Variants in DST observed in about 807,000 individuals in gnomAD.
The protein encoded by DST is bullous pemphigoid antigen.
A neutral mutation model predicts 875.2 loss-of-function variants in DST; 253 were observed. That is an observed-to-expected ratio of 0.29 (90% CI 0.26 to 0.32). The LOEUF (loss-of-function observed/expected upper bound fraction) is 0.32. DST is among the 10% of genes least tolerant of loss of function. The pLI, the probability that DST is intolerant of heterozygous loss-of-function variation, is 1.00. For missense variants in DST, 8,287 were observed against 9,111.6 expected (o/e 0.91, Z 3.68); for synonymous variants, 3,124 against 3,197.1 (o/e 0.98, Z 0.77).
At position 56,670,519 on chromosome 6, in the gene DST, C is replaced by T. The variant is rs1588211856; in HGVS notation, c.1214+122G>A. On this transcript the variant is annotated intron_variant, in intron 10 of 103. Coordinates refer to ENST00000680361, the MANE Select transcript of DST (RefSeq NM_001374736.1). Reference sequence around the variant, plus strand: ...TGGCCAATTTTTTATTTTAATTTTTCTGTATTTTCTAATTTTTTGCCATGC... The same window carrying T: ...TGGCCAATTTTTTATTTTAATTTTTTTGTATTTTCTAATTTTTTGCCATGC... 6 of 808,114 alleles carry T rather than the reference C, an allele frequency of 7.4e-6. No homozygotes were observed. In the East Asian group the frequency reaches 1.9e-4, roughly 25 times the overall value. The allele number at this position is 808,114 out of a possible 1,614,324, so 50.1% of individuals were successfully genotyped here. A position where few individuals can be genotyped will look rare whatever the true frequency, so the allele number is the denominator to read the frequency against.
At chr6:56,474,025 A>C in intron 92 of DST, 23 bp from the exon 93 acceptor site, 1 of 1,559,756 alleles carries the variant, frequency 6.4e-7, no homozygotes, top group South Asian at 1.2e-5. Flanking sequence ...AAATGATGTC[A>C]ATCAAATAAG....
In DST at chr6:56,642,373, TC is replaced by T. The variant is rs140666858; in HGVS notation, c.1872+36del. 1.9e-3 allele frequency: 2,707 copies of T among 1,453,930 alleles called. 39 individuals are homozygous for T. In the African/African-American group the frequency reaches 0.033, roughly 18 times the overall value. 90.1% of individuals were successfully genotyped at this position (1,453,930 alleles called of 1,614,324 possible). A position where few individuals can be genotyped will look rare whatever the true frequency, so the allele number is the denominator to read the frequency against. On this transcript the variant is annotated intron_variant, in intron 16 of 103. Coordinates refer to ENST00000680361, the MANE Select transcript of DST (RefSeq NM_001374736.1). ...GTTCATCCAAACGCACAGTGACTCC[TC>T]TACCACAACCCCAATGGCTCCTAAA...
intron 3 of DST, among the ~76,000 whole-genome samples, chr6:56,857,943 T>A (rs1768829106): frequency 6.6e-6 from 1 of 152,204 alleles, no homozygotes; most frequent in Non-Finnish European, 1.5e-5. Flanking sequence ...AAAAATGAGA[T>A]ATGGTAAATT....
Position 56,608,530 on chromosome 6 carries a change from C to A in DST, c.6098G>T (p.Gly2033Val). 4 of 1,613,460 alleles carry A rather than the reference C, an allele frequency of 2.5e-6. No individual in the cohort carries two copies. Among genetic ancestry groups the A allele is most frequent in the Non-Finnish European group, 3.4e-6 (4 of 1,179,730 alleles). Residue 2033 changes from glycine (G) to valine (V), a missense_variant, in exon 40 of 104, where the codon GGA (glycine) becomes GTA (valine). Transcript: ENST00000680361. ...SILTYQVQTG[G>V]IIQSNPAKRL... ...CTTGGCAGGGTTTGACTGGATGATT[C>A]CACCAGTTTGAACCTGATATGTGAG...
chr6:56,778,480 C>A (rs2099684384), intron 4 of DST, among the ~76,000 whole-genome samples: 1 of 150,560 alleles, frequency 6.6e-6, no homozygotes, highest in Non-Finnish European at 1.5e-5. Context: ...TATGCTGCAC[C>A]CAGTAACTCA....
rs761160716 is a variant in DST at position 56,928,134 on chromosome 6, G to A, written c.216+25651C>T. ...TAGCTGCTGCTGGTACCTACAAGGCGGAGTGATGAGGCTGGCTCTGGCAAT... is the reference window on the plus strand; with the variant it reads ...TAGCTGCTGCTGGTACCTACAAGGCAGAGTGATGAGGCTGGCTCTGGCAAT... On this transcript the variant is annotated intron_variant, in intron 2 of 103. Transcript: ENST00000680361. Among the ~76,000 whole-genome samples, 75 of 152,172 alleles carry A rather than the reference G, an allele frequency of 4.9e-4. 1 individual carries two copies. Among genetic ancestry groups the A allele is most frequent in the Admixed American group, 4.5e-3 (69 of 15,274 alleles).
At chr6:56,717,673 C>T (rs2099400078) in intron 5 of DST, among the ~76,000 whole-genome samples, 1 of 152,068 alleles carries the variant, frequency 6.6e-6, no homozygotes, top group Non-Finnish European at 1.5e-5. Flanking sequence ...CTGCTGGCTC[C>T]ACCTGAACCC....
At chr6:56,465,936 T>C (rs1582113332) in intron 99 of DST, 142 bp downstream of exon 99, 8 of 508,410 alleles carry the variant, frequency 1.6e-5, no homozygotes, top group Non-Finnish European at 2.7e-5. Context: ...ACAGGTTCTT[T>C]GGGAACTTTA....
chr6:56,943,807 A>G (rs945839494), intron 2 of DST, among the ~76,000 whole-genome samples: 1 of 152,096 alleles, frequency 6.6e-6, no homozygotes, highest in South Asian at 2.1e-4. Context: ...TAAGTAAGGT[A>G]TAACTATATG....
intron 3 of DST, among the ~76,000 whole-genome samples, chr6:56,897,125 T>C (rs1328646102): frequency 1.3e-5 from 2 of 152,142 alleles, no homozygotes; most frequent in Non-Finnish European, 2.9e-5. Context: ...TAATCTATCT[T>C]GAGTTGATTT....
chr6:56,492,397 T>G lies in DST; in HGVS notation c.20587A>C (p.Ile6863Leu). The G allele has an allele frequency of 6.2e-7, 1 of 1,613,754 alleles. No homozygotes were observed. Among genetic ancestry groups the G allele is most frequent in the South Asian group, 1.1e-5 (1 of 91,024 alleles). The change falls in exon 85 of 104, where the codon ATA (isoleucine) becomes CTA (leucine). Residue 6863 changes from isoleucine to leucine, a missense_variant. By Grantham distance (5) the Ile-to-Leu change is conservative. Around this residue, in one of 10 missense-constraint regions of DST, gnomAD observed 1,292 missense variants for 1,552.7 expected, o/e 0.83. Coordinates refer to ENST00000680361, the MANE Select transcript of DST (RefSeq NM_001374736.1). ...GTTCCAGTTTTGTCCAGCTCTATTA[T>G]CTGCTCACGATGAGAATTTACTTCA... Reference protein sequence around the residue: ...ANEVNSHREQIIELDKTGTHL... With the variant: ...ANEVNSHREQLIELDKTGTHL...
intron 69 of DST, among the ~76,000 whole-genome samples, chr6:56,519,416 G>C (rs1441626469): frequency 6.6e-6 from 1 of 152,144 alleles, no homozygotes; most frequent in Non-Finnish European, 1.5e-5. Context: ...ACTCTTGCCG[G>C]GAGATGTTAG....
intron 2 of DST, among the ~76,000 whole-genome samples, chr6:56,938,167 TC>T (rs1814250366): frequency 6.6e-6 from 1 of 151,726 alleles, no homozygotes; most frequent in African/African-American, 2.4e-5. Context: ...AGATTCTTGC[TC>T]TGTTGCCTAT....
chr6:56,859,134 C>T (rs1019213105), intron 3 of DST, among the ~76,000 whole-genome samples: 1 of 152,160 alleles, frequency 6.6e-6, no homozygotes, highest in Non-Finnish European at 1.5e-5. Context: ...GGTATCAGTT[C>T]ACAACAAAGA....
intron 51 of DST, 70 bp downstream of exon 51, chr6:56,573,609 C>A: frequency 8.6e-7 from 1 of 1,158,086 alleles, no homozygotes; most frequent in Non-Finnish European, 1.3e-6. Flanking sequence ...TTAAATCTAA[C>A]TACACTTTGA....
chr6:56,525,028 C>T (rs927895108), intron 69 of DST, among the ~76,000 whole-genome samples: 1 of 152,100 alleles, frequency 6.6e-6, no homozygotes, highest in African/African-American at 2.4e-5. Flanking sequence ...AACCTGGCCA[C>T]AGTTAATGAC....
In DST at chr6:56,693,568, G is replaced by A. The variant is rs6925885; in HGVS notation, c.1047+6085C>T. ...CTTTGAAACTATTTGGTGGTTCAACGAATGAGAGCAAAAAGAAAGCAAACA... is the reference window on the plus strand; with the variant it reads ...CTTTGAAACTATTTGGTGGTTCAACAAATGAGAGCAAAAAGAAAGCAAACA... On this transcript the variant is annotated intron_variant, in intron 9 of 103. Coordinates refer to ENST00000680361, the MANE Select transcript of DST (RefSeq NM_001374736.1). 8.9e-3 allele frequency: 1,997 copies of A among 224,018 alleles called. 30 individuals carry two copies. Among genetic ancestry groups the A allele is most frequent in the African/African-American group, 0.044 (1,882 of 42,880 alleles). The allele number at this position is 224,018 out of a possible 1,614,324, so 13.9% of individuals were successfully genotyped here.
At position 56,639,173 on chromosome 6, in the gene DST, A is replaced by AT. The variant is rs1315058952; in HGVS notation, c.2964+85dup. 5 of 1,193,700 alleles carry AT rather than the reference A, an allele frequency of 4.2e-6. No individual in the cohort carries two copies. In the Admixed American group the frequency reaches 9.4e-5, roughly 23 times the overall value. The allele number at this position is 1,193,700 out of a possible 1,614,324, so 73.9% of individuals were successfully genotyped here. A position where few individuals can be genotyped will look rare whatever the true frequency, so the allele number is the denominator to read the frequency against. On this transcript the variant is annotated intron_variant, in intron 22 of 103. Transcript: ENST00000680361. ...TTTAATAAAAGTTAGATGGCTTGTA[A>AT]TTTTCAACTTCTCAGCAATAAAAGA...
rs145002165 is a variant in DST, at chr6:56,796,628, G to T, written c.625+54769C>A. On this transcript the variant is annotated intron_variant, in intron 4 of 103. Coordinates refer to ENST00000680361, the MANE Select transcript of DST (RefSeq NM_001374736.1). ...CAGGCAATGGTTGGGAGTGGTGGGG[G>T]TGAGTGGCTACAGAAGCAACTGCAG... Among the ~76,000 whole-genome samples the T allele has an allele frequency of 3.8e-3, 576 of 152,276 alleles. 6 individuals carry two copies. Among genetic ancestry groups the T allele is most frequent in the African/African-American group, 0.013 (559 of 41,546 alleles).
Sources: gnomAD v4.1 joint callset for allele counts (sites outside exome capture counted in the v4.1 genomes callset) on GRCh38, gnomAD v4.1.1 for gene constraint, gnomAD v4.1.1 regional missense constraint, MANE v1.5 for transcripts, NCBI Gene and HGNC (gene_info 2026-07-23, HGNC 2026-07-21) for gene names.